RUBCN: variants seen among roughly 807,000 people sequenced by gnomAD.
RUBCN encodes the protein run domain Beclin-1-interacting and cysteine-rich domain-containing protein.
A neutral mutation model predicts 113.2 loss-of-function variants in RUBCN; 74 were observed. The ratio of observed to expected loss-of-function variants is 0.65; its 90% CI spans 0.54 to 0.79. The LOEUF (loss-of-function observed/expected upper bound fraction) is 0.79. RUBCN is among the 30% of genes least tolerant of loss of function. The pLI is 0.00. For synonymous variants in RUBCN, 480 were observed against 490.0 expected (o/e 0.98, Z 0.27); for missense variants, 1,109 against 1,251.7 (o/e 0.89, Z 1.72).
intron 1 of RUBCN, among the ~76,000 whole-genome samples, chr3:197,734,989 T>A (rs192522885): frequency 6.6e-6 from 1 of 152,226 alleles, no homozygotes; most frequent in African/African-American, 2.4e-5. Flanking sequence ...CCCAGGAACA[T>A]CTCATAAATC....
chr3:197,734,563 A>G (rs1339973234), intron 1 of RUBCN, among the ~76,000 whole-genome samples: 1 of 152,212 alleles, frequency 6.6e-6, no homozygotes, highest in Non-Finnish European at 1.5e-5. Context: ...AGTACCGACC[A>G]CATACAATAG....
intron 5 of RUBCN, among the ~76,000 whole-genome samples, chr3:197,702,519 T>C (rs1193420835): frequency 6.6e-6 from 1 of 151,884 alleles, no homozygotes; most frequent in African/African-American, 2.4e-5. Flanking sequence ...AAAAATTAGC[T>C]GGGCGTGGTG....
chr3:197,678,246 T>C (rs1720696861), intron 16 of RUBCN, among the ~76,000 whole-genome samples: 1 of 152,046 alleles, frequency 6.6e-6, no homozygotes, highest in South Asian at 2.1e-4. Context: ...GGCTTCAGAC[T>C]GTCCCACACT....
chr3:197,711,732 T>A (rs900283028), intron 2 of RUBCN, among the ~76,000 whole-genome samples: 4 of 152,172 alleles, frequency 2.6e-5, no homozygotes. Context: ...TAGTTTTTTA[T>A]GTGATCAGAA....
intron 1 of RUBCN, among the ~76,000 whole-genome samples, chr3:197,742,033 A>G (rs1728545058): frequency 6.6e-6 from 1 of 151,514 alleles, no homozygotes; most frequent in Non-Finnish European, 1.5e-5. Context: ...GAGTAGCTAA[A>G]ATTACGGGCG....
At chr3:197,718,609 C>A (rs996052205) in intron 1 of RUBCN, among the ~76,000 whole-genome samples, 2 of 151,884 alleles carry the variant, frequency 1.3e-5, no homozygotes, top group Admixed American at 1.3e-4. Context: ...CACCAACACA[C>A]CCAGATAATT....
intron 11 of RUBCN, among the ~76,000 whole-genome samples, chr3:197,689,845 T>C (rs1301740586): frequency 6.6e-6 from 1 of 152,308 alleles, no homozygotes; most frequent in East Asian, 1.9e-4. Context: ...TCTAGCTATT[T>C]TGAAATACAG....
At position 197,693,697 on chromosome 3, in the gene RUBCN, C is replaced by A. The variant is rs1560423395; in HGVS notation, c.1786+18G>T. 5 of 1,530,478 alleles carry A rather than the reference C, an allele frequency of 3.3e-6. No individual in the cohort carries two copies. The highest frequency in any genetic ancestry group is 4.5e-6 in the Non-Finnish European group (5 of 1,103,808). 94.8% of individuals were successfully genotyped at this position (1,530,478 alleles called of 1,614,324 possible). A position where few individuals can be genotyped will look rare whatever the true frequency, so the allele number is the denominator to read the frequency against. The stretch of plus-strand genomic sequence containing the variant: ...AAACAGAATAAAAGTTCCCTTGTAA[C>A]AAAGTGTCACTTCTTACCTTGGATT... On this transcript the variant is annotated intron_variant, in intron 11 of 19. Transcript: ENST00000296343.
chr3:197,742,007 C>T (rs1435103087), intron 1 of RUBCN, among the ~76,000 whole-genome samples: 8 of 151,498 alleles, frequency 5.3e-5, no homozygotes, highest in African/African-American at 1.9e-4. Context: ...AAGCGATTCT[C>T]CTGCCTCAGC....
At chr3:197,702,951 T>C (rs1723847061) in intron 5 of RUBCN, among the ~76,000 whole-genome samples, 1 of 152,134 alleles carries the variant, frequency 6.6e-6, no homozygotes, top group East Asian at 1.9e-4. Flanking sequence ...CCCCAGATCT[T>C]TGTCAAGGCT....
At chr3:197,742,902 T>G (rs1728583775) in intron 1 of RUBCN, among the ~76,000 whole-genome samples, 1 of 152,224 alleles carries the variant, frequency 6.6e-6, no homozygotes, top group South Asian at 2.1e-4. Flanking sequence ...TTTGTTTAGC[T>G]TTGGAAAATG....
intron 14 of RUBCN, 22 bp downstream of exon 14, chr3:197,682,448 G>A: frequency 1.9e-6 from 3 of 1,613,750 alleles, no homozygotes; most frequent in Non-Finnish European, 2.5e-6. Context: ...TGCTCCAAAG[G>A]GCACAGACAC....
chr3:197,685,438 G>A (rs1441697214), intron 11 of RUBCN, among the ~76,000 whole-genome samples: 3 of 152,178 alleles, frequency 2.0e-5, no homozygotes, highest in East Asian at 3.9e-4. Flanking sequence ...TGTTCCTCAC[G>A]TTTCCTCTGT....
intron 1 of RUBCN, among the ~76,000 whole-genome samples, chr3:197,747,821 G>A (rs1728814519): frequency 1.3e-5 from 2 of 151,962 alleles, no homozygotes; most frequent in Admixed American, 1.3e-4. Context: ...TTGAAGATGG[G>A]TATGAGGTCC....
chr3:197,692,246 A>T (rs1157191695), intron 11 of RUBCN, among the ~76,000 whole-genome samples: 1 of 151,978 alleles, frequency 6.6e-6, no homozygotes, highest in Non-Finnish European at 1.5e-5. Context: ...TGGTTGGCGA[A>T]CACATCAATG....
At chr3:197,691,500 C>T (rs1421585722) in intron 11 of RUBCN, among the ~76,000 whole-genome samples, 1 of 152,078 alleles carries the variant, frequency 6.6e-6, no homozygotes, top group Non-Finnish European at 1.5e-5. Flanking sequence ...GTCCACAGCC[C>T]AATCCGTCAC....
chr3:197,707,440 A>C (rs1363110092), intron 2 of RUBCN, among the ~76,000 whole-genome samples: 2 of 152,332 alleles, frequency 1.3e-5, no homozygotes, highest in African/African-American at 4.8e-5. Flanking sequence ...AAAAATGGAA[A>C]AAATTGATTA....
At position 197,678,521 on chromosome 3, in the gene RUBCN, A is replaced by G. The variant is rs1431799131; in HGVS notation, c.2431-980T>C. 1.7e-4 allele frequency among the ~76,000 whole-genome samples: 23 copies of G among 135,434 alleles called. 1 individual carries two copies. The highest frequency in any genetic ancestry group is 4.3e-4 in the African/African-American group (15 of 35,164). The allele number at this position is 135,434 out of a possible 152,430, so 88.8% of individuals were successfully genotyped here. A position where few individuals can be genotyped will look rare whatever the true frequency, so the allele number is the denominator to read the frequency against. ...CTGGCTCCAGACTGTCCTACGCTCT[A>G]ACAACTGGCTTCAGACTGTCCTACG... is the stretch of plus-strand genomic sequence containing the variant. On this transcript the variant is annotated intron_variant, in intron 16 of 19. Coordinates refer to ENST00000296343, the MANE Select transcript of RUBCN (RefSeq NM_014687.4).
chr3:197,740,655 G>T (rs1438599872), upstream of RUBCN, among the ~76,000 whole-genome samples: 1 of 150,958 alleles, frequency 6.6e-6, no homozygotes, highest in African/African-American at 2.4e-5. Context: ...GAGTCTTGCT[G>T]TGTTGCCCAG....
Sources: allele counts gnomAD v4.1 joint callset (sites outside exome capture counted in the v4.1 genomes callset), GRCh38; gene constraint gnomAD v4.1.1; transcripts MANE v1.5; gene names NCBI Gene and HGNC (gene_info 2026-07-23, HGNC 2026-07-21).